DIAPH2: variants seen among roughly 807,000 people sequenced by gnomAD.
DIAPH2 encodes the protein protein diaphanous homolog 2.
A neutral mutation model predicts 92.7 loss-of-function variants in DIAPH2; 35 were observed. That is an observed-to-expected ratio of 0.38 (90% CI 0.29 to 0.50). The LOEUF is 0.50. DIAPH2 is among the 20% of genes least tolerant of loss of function. The pLI, the probability that DIAPH2 is intolerant of heterozygous loss-of-function variation, is 0.94. For missense variants in DIAPH2, 701 were observed against 819.5 expected (o/e 0.86, Z 1.77); for synonymous variants, 301 against 280.4 (o/e 1.07, Z -0.73).
chrX:97,369,198 G>A (rs770507001), intron 24 of DIAPH2, among the ~76,000 whole-genome samples: 2 of 111,604 alleles, frequency 1.8e-5, no homozygotes, highest in South Asian at 3.8e-4. Context: ...GTGAGCCACC[G>A]CGACCAGCCA....
chrX:96,795,491 A>AT (rs1315038690), intron 4 of DIAPH2, among the ~76,000 whole-genome samples: 1 of 111,558 alleles, frequency 9.0e-6, no homozygotes, highest in Non-Finnish European at 1.9e-5. Flanking sequence ...CAAGTCTCCT[A>AT]TTTTTTTAAA....
intron 1 of DIAPH2, among the ~76,000 whole-genome samples, chrX:96,717,924 C>T (rs1429570854): frequency 1.0e-5 from 1 of 98,341 alleles, no homozygotes; most frequent in African/African-American, 3.7e-5. Flanking sequence ...AATGGGCTAA[C>T]CATCACCTCA....
chrX:97,327,186 C>T (rs1415613446), intron 23 of DIAPH2, among the ~76,000 whole-genome samples: 14 of 110,888 alleles, frequency 1.3e-4, no homozygotes, highest in African/African-American at 4.6e-4. Context: ...GCAACCTCCG[C>T]CTCCTGGGTT....
intron 23 of DIAPH2, among the ~76,000 whole-genome samples, chrX:97,271,347 A>G (rs1174730863): frequency 2.7e-5 from 3 of 112,319 alleles, no homozygotes; most frequent in African/African-American, 9.7e-5. Flanking sequence ...CATAACAATA[A>G]CAAATACAAT....
chrX:96,794,235 A>G (rs974380991), intron 4 of DIAPH2, among the ~76,000 whole-genome samples: 2 of 111,157 alleles, frequency 1.8e-5, no homozygotes, highest in African/African-American at 6.6e-5. Flanking sequence ...TGCCTCCCCA[A>G]CGGCCCTAAC....
chrX:96,914,822 A>C (rs1182311676), intron 7 of DIAPH2, among the ~76,000 whole-genome samples: 2 of 111,726 alleles, frequency 1.8e-5, no homozygotes, highest in Non-Finnish European at 3.8e-5. Flanking sequence ...TGCTCAGAGC[A>C]TGGATTAATG....
chrX:97,463,399 A>G (rs1418093196), intron 26 of DIAPH2, among the ~76,000 whole-genome samples: 2 of 100,960 alleles, frequency 2.0e-5, no homozygotes, highest in African/African-American at 7.3e-5. Context: ...TATTTTTATT[A>G]TTATTTTTTT....
At chrX:97,251,732 G>A (rs1302082763) in intron 23 of DIAPH2, among the ~76,000 whole-genome samples, 1 of 111,873 alleles carries the variant, frequency 8.9e-6, no homozygotes, top group Non-Finnish European at 1.9e-5. Flanking sequence ...CTATGTGAAA[G>A]TCTTTGGTGA....
chrX:97,477,599 C>T (rs1266627242), intron 26 of DIAPH2, among the ~76,000 whole-genome samples: 4 of 102,961 alleles, frequency 3.9e-5, no homozygotes, highest in South Asian at 4.8e-4. Flanking sequence ...AGCAAGACTC[C>T]GTCTAAAAAA....
At chrX:97,440,511 G>A (rs2070243069) in intron 26 of DIAPH2, among the ~76,000 whole-genome samples, 1 of 106,283 alleles carries the variant, frequency 9.4e-6, no homozygotes, top group Non-Finnish European at 1.9e-5. Flanking sequence ...AGAATCGCTT[G>A]AACCCGGGAG....
chrX:97,391,305 T>C (rs907155778), intron 25 of DIAPH2, among the ~76,000 whole-genome samples: 1 of 111,351 alleles, frequency 9.0e-6, no homozygotes, highest in Non-Finnish European at 1.9e-5. Context: ...ACATATCATA[T>C]GTGAATCCAT....
intron 23 of DIAPH2, among the ~76,000 whole-genome samples, chrX:97,305,838 A>G (rs1012331050): frequency 5.2e-4 from 56 of 107,872 alleles, no homozygotes; most frequent in Non-Finnish European, 8.0e-4. Context: ...AAAAAAAAAA[A>G]AAAGAAAGAA....
intron 4 of DIAPH2, among the ~76,000 whole-genome samples, chrX:96,766,213 GTA>G (rs200183908): frequency 0.21 from 21,577 of 103,783 alleles, 1,828 homozygotes; most frequent in East Asian, 0.32. Flanking sequence ...TATATGTAGT[GTA>G]TATATATATA....
At position 97,135,374 on chromosome X, in the gene DIAPH2, T is replaced by C. The variant is rs139404135; in HGVS notation, c.2590-6291T>C. Among the ~76,000 whole-genome samples the C allele has an allele frequency of 9.0e-4, 99 of 110,413 alleles. 1 individual carries two copies. In the East Asian group the frequency reaches 0.027, roughly 30 times the overall value. Reference sequence around the variant, plus strand: ...CCACCATGCCCGGCTAATTTTTGTTTTGTTTTGTTTTTTTGTAGAGATGGG... The same window carrying C: ...CCACCATGCCCGGCTAATTTTTGTTCTGTTTTGTTTTTTTGTAGAGATGGG... On this transcript the variant is annotated intron_variant, in intron 21 of 26. Coordinates refer to ENST00000324765, the MANE Select transcript of DIAPH2 (RefSeq NM_006729.5).
At position 97,141,676 on chromosome X, in the gene DIAPH2, T is replaced by G; in HGVS notation, c.2601T>G (p.Thr867=). ...KINFLCKIRD[T]KSADQKTTLL... is the part of the protein sequence containing the mutation. ...TTGTTTTCTCCCAGATCAGAGATAC[T>G]AAATCAGCGGATCAAAAAACAACCC... The change falls in exon 22 of 27, where the codon ACT becomes ACG. Residue 867 remains threonine, a synonymous_variant. Coordinates refer to ENST00000324765, the MANE Select transcript of DIAPH2 (RefSeq NM_006729.5). 3 of 1,200,379 alleles carry G rather than the reference T, an allele frequency of 2.5e-6. No homozygotes were observed. Among genetic ancestry groups the G allele is most frequent in the Non-Finnish European group, 3.4e-6 (3 of 891,729 alleles).
At chrX:97,310,567 A>C (rs763707526) in intron 23 of DIAPH2, among the ~76,000 whole-genome samples, 1 of 111,362 alleles carries the variant, frequency 9.0e-6, no homozygotes, top group East Asian at 2.8e-4. Flanking sequence ...AAAGACCCTG[A>C]GGCAAAAAGC....
chrX:97,377,320 C>G (rs747389361), intron 24 of DIAPH2, among the ~76,000 whole-genome samples: 1 of 112,380 alleles, frequency 8.9e-6, no homozygotes, highest in East Asian at 2.8e-4. Flanking sequence ...GTATCAAGTA[C>G]TGTGTATTGT....
At chrX:97,343,082 C>G (rs1374552006) in intron 23 of DIAPH2, among the ~76,000 whole-genome samples, 1 of 111,637 alleles carries the variant, frequency 9.0e-6, no homozygotes, top group Non-Finnish European at 1.9e-5. Flanking sequence ...ATGGGAAAGA[C>G]TTTGGATTTT....
Position 96,702,239 on chromosome X carries a change from T to C in DIAPH2, c.132+17049T>C, listed in dbSNP as rs755901525. On this transcript the variant is annotated intron_variant, in intron 1 of 26. Coordinates refer to ENST00000324765, the MANE Select transcript of DIAPH2 (RefSeq NM_006729.5). The stretch of plus-strand genomic sequence containing the variant: ...ACATCTAATTTGTAGCTGTATCTGG[T>C]TAGTTTTATTACTGATGATTTGGGC... Among the ~76,000 whole-genome samples the C allele has an allele frequency of 2.7e-5, 3 of 112,228 alleles. No homozygotes were observed. In the Admixed American group the frequency reaches 2.8e-4, roughly 11 times the overall value.
Sources: gnomAD v4.1 joint callset for allele counts (sites outside exome capture counted in the v4.1 genomes callset) on GRCh38, gnomAD v4.1.1 for gene constraint, MANE v1.5 for transcripts, NCBI Gene and HGNC (gene_info 2026-07-23, HGNC 2026-07-21) for gene names.